The following GPATCH2 variants were observed in gnomAD, a reference collection of about 807,000 sequenced individuals.
The protein encoded by GPATCH2 is G patch domain-containing protein 2.
Under a neutral mutation model 58.0 loss-of-function variants are expected in GPATCH2, and 51 were observed. That is an observed-to-expected ratio of 0.88 (90% CI 0.70 to 1.11). The LOEUF is 1.11. Among genes scored for constraint, GPATCH2 ranks in the 50% most tolerant of loss-of-function variants. GPATCH2 has a pLI of 0.00. For missense variants in GPATCH2, 625 were observed against 652.2 expected, an observed-to-expected ratio of 0.96 and a Z score of 0.45; for synonymous variants, 222 against 218.5, an observed-to-expected ratio of 1.02 and a Z score of -0.14.
intron 9 of GPATCH2, among the ~76,000 whole-genome samples, chr1:217,440,496 T>C (rs1206507118): frequency 6.6e-6 from 1 of 152,142 alleles, no homozygotes; most frequent in Non-Finnish European, 1.5e-5. Context: ...AACATAGTAG[T>C]GGAAGTTCTG....
At chr1:217,573,939 A>T (rs1373979641) in intron 5 of GPATCH2, among the ~76,000 whole-genome samples, 1 of 152,222 alleles carries the variant, frequency 6.6e-6, no homozygotes, top group Non-Finnish European at 1.5e-5. Flanking sequence ...CTCAATTAAG[A>T]CTTTGCTAAA....
At chr1:217,452,655 A>G (rs1222356746) in intron 8 of GPATCH2, among the ~76,000 whole-genome samples, 1 of 152,192 alleles carries the variant, frequency 6.6e-6, no homozygotes, top group Non-Finnish European at 1.5e-5. Flanking sequence ...AGGAACAACC[A>G]ACTCCCTCTT....
At chr1:217,543,769 T>G (rs1382458303) in intron 5 of GPATCH2, among the ~76,000 whole-genome samples, 1 of 151,898 alleles carries the variant, frequency 6.6e-6, no homozygotes, top group Non-Finnish European at 1.5e-5. Context: ...TGAGAAAGAG[T>G]GTATTAAATG....
chr1:217,510,806 T>A (rs1450276568), intron 6 of GPATCH2, among the ~76,000 whole-genome samples: 2 of 151,996 alleles, frequency 1.3e-5, no homozygotes, highest in Non-Finnish European at 1.5e-5. Flanking sequence ...AAAAAAAGAA[T>A]TAGAGGCCAG....
rs1658372033 is a variant in GPATCH2 at position 217,427,163 on chromosome 1, AC to A, written c.*3981del. 6.6e-6 allele frequency: 1 copy of A among 152,136 alleles called. No homozygotes were observed. The highest frequency in any genetic ancestry group is 1.5e-5 in the Non-Finnish European group (1 of 68,020). 9.4% of individuals were successfully genotyped at this position (152,136 alleles called of 1,614,324 possible). On this transcript the variant is annotated 3_prime_UTR_variant, in exon 10 of 10. Coordinates refer to ENST00000366935, the MANE Select transcript of GPATCH2 (RefSeq NM_018040.5). Reference sequence around the variant, plus strand: ...GATTGTAACAGATTTGAACTCTGATACTTTAAGTGGTCAGAGAGAGCGTGTG... The same window carrying A: ...GATTGTAACAGATTTGAACTCTGATATTTAAGTGGTCAGAGAGAGCGTGTG...
At chr1:217,622,391 T>A (rs1393335748) in intron 1 of GPATCH2, among the ~76,000 whole-genome samples, 1 of 152,228 alleles carries the variant, frequency 6.6e-6, no homozygotes, top group African/African-American at 2.4e-5. Context: ...TAGAATTATT[T>A]CCATGGGCAT....
Position 217,430,900 on chromosome 1 carries a change from T to C in GPATCH2, c.*245A>G. On this transcript the variant is annotated 3_prime_UTR_variant, in exon 10 of 10. Coordinates refer to ENST00000366935, the MANE Select transcript of GPATCH2 (RefSeq NM_018040.5). The stretch of plus-strand genomic sequence containing the variant: ...AATAAATAAGAGAAACGAGCTGCTC[T>C]TTATACCTAGAAATAGCTGGAAATT... 1.8e-6 allele frequency: 1 copy of C among 542,698 alleles called. No homozygotes were observed. Among genetic ancestry groups the C allele is most frequent in the East Asian group, 3.2e-5 (1 of 31,446 alleles). The allele number at this position is 542,698 out of a possible 1,614,324, so 33.6% of individuals were successfully genotyped here.
rs572884552 is a variant in GPATCH2, at chr1:217,441,894, G to A, written c.1366+7355C>T. Among the ~76,000 whole-genome samples, 5 of 152,240 alleles carry A rather than the reference G, an allele frequency of 3.3e-5. No homozygotes were observed. In the South Asian group the frequency reaches 6.2e-4, roughly 19 times the overall value. On this transcript the variant is annotated intron_variant, in intron 9 of 9. Transcript: ENST00000366935. The stretch of plus-strand genomic sequence containing the variant: ...TAGGAACACTTTTACATTGTTGGTG[G>A]GAGTGCAAATTAGTTCAACCATTGT...
chr1:217,584,344 A>AATATATATATAT (rs71556690), intron 5 of GPATCH2, among the ~76,000 whole-genome samples: 90 of 101,436 alleles, frequency 8.9e-4, no homozygotes, highest in East Asian at 4.3e-3. Flanking sequence ...AAAAAAAAAA[A>AATATATATATAT]ATATATATAT....
intron 5 of GPATCH2, among the ~76,000 whole-genome samples, chr1:217,515,194 C>A (rs538445998): frequency 6.6e-6 from 1 of 151,726 alleles, no homozygotes; most frequent in African/African-American, 2.4e-5. Flanking sequence ...CTCCCAGGTT[C>A]ACGCCATTCT....
chr1:217,439,050 C>T (rs1658997651), intron 9 of GPATCH2, among the ~76,000 whole-genome samples: 1 of 152,168 alleles, frequency 6.6e-6, no homozygotes, highest in African/African-American at 2.4e-5. Flanking sequence ...CTCTCCACTG[C>T]AAATCAACAG....
chr1:217,493,066 C>T (rs1383653738), intron 7 of GPATCH2, among the ~76,000 whole-genome samples: 1 of 152,124 alleles, frequency 6.6e-6, no homozygotes, highest in African/African-American at 2.4e-5. Flanking sequence ...CTTAAATTTT[C>T]TCTTAAATAT....
At chr1:217,561,439 G>A (rs1035304141) in intron 5 of GPATCH2, among the ~76,000 whole-genome samples, 5 of 152,298 alleles carry the variant, frequency 3.3e-5, no homozygotes, top group African/African-American at 1.2e-4. Context: ...TTCAAGCAGC[G>A]AGAAGATGTA....
At chr1:217,461,726 T>A (rs1156939263) in intron 8 of GPATCH2, among the ~76,000 whole-genome samples, 3 of 152,194 alleles carry the variant, frequency 2.0e-5, no homozygotes, top group Non-Finnish European at 4.4e-5. Context: ...AAAACTAAGC[T>A]TGTTAACTGA....
chr1:217,481,764 GA>G (rs2102518186), intron 8 of GPATCH2, among the ~76,000 whole-genome samples: 1 of 152,268 alleles, frequency 6.6e-6, no homozygotes, highest in Non-Finnish European at 1.5e-5. Flanking sequence ...GGCTGAGGCA[GA>G]AGGATTGCTT....
At chr1:217,622,797 G>C (rs542894283) in intron 1 of GPATCH2, among the ~76,000 whole-genome samples, 3 of 152,252 alleles carry the variant, frequency 2.0e-5, no homozygotes, top group South Asian at 4.1e-4. Context: ...CACCCGCCAC[G>C]CTTCTCAGTG....
chr1:217,505,625 A>G (rs573593943), intron 6 of GPATCH2, among the ~76,000 whole-genome samples: 106 of 149,598 alleles, frequency 7.1e-4, no homozygotes, highest in Non-Finnish European at 9.2e-4. Context: ...TGTACTTTTC[A>G]GAAGGAAAGA....
At chr1:217,625,234 G>T (rs760658501) in intron 1 of GPATCH2, among the ~76,000 whole-genome samples, 1 of 152,036 alleles carries the variant, frequency 6.6e-6, no homozygotes, top group African/African-American at 2.4e-5. Flanking sequence ...TCAGAAAAAG[G>T]CCTTCCTAAA....
At chr1:217,607,105 CA>C (rs1668395902) in intron 5 of GPATCH2, among the ~76,000 whole-genome samples, 3 of 152,300 alleles carry the variant, frequency 2.0e-5, no homozygotes, top group Admixed American at 2.0e-4. Flanking sequence ...TAAATACAGT[CA>C]ATCTCGTTCC....
Sources: gnomAD v4.1 joint callset for allele counts (sites outside exome capture counted in the v4.1 genomes callset) on GRCh38, gnomAD v4.1.1 for gene constraint, MANE v1.5 for transcripts, NCBI Gene and HGNC (gene_info 2026-07-23, HGNC 2026-07-21) for gene names.